KPNA3: variants seen among roughly 807,000 people sequenced by gnomAD.
The protein encoded by KPNA3 is importin subunit alpha-4.
In KPNA3, 13 loss-of-function variants were observed where a neutral mutation model predicts 73.8. The ratio of observed to expected loss-of-function variants is 0.18; its 90% CI spans 0.11 to 0.28. KPNA3 has a LOEUF of 0.28. Among genes scored for constraint, KPNA3 ranks in the 10% least tolerant of loss-of-function variants. KPNA3 has a pLI of 1.00. For synonymous variants in KPNA3, 186 were observed against 206.9 expected, an observed-to-expected ratio of 0.90 and a Z score of 0.87; for missense variants, 360 against 618.1, an observed-to-expected ratio of 0.58 and a Z score of 4.43.
At chr13:49,757,200 TA>T (rs901541532) in intron 1 of KPNA3, among the ~76,000 whole-genome samples, 2 of 150,840 alleles carry the variant, frequency 1.3e-5, no homozygotes, top group African/African-American at 4.9e-5. Context: ...CTCATCAAAA[TA>T]AAAAACTATT....
chr13:49,730,676 A>T (rs1954457843), intron 6 of KPNA3, among the ~76,000 whole-genome samples: 2 of 150,390 alleles, frequency 1.3e-5, no homozygotes, highest in South Asian at 4.2e-4. Flanking sequence ...TGTGCAGGTT[A>T]GTTACATATG....
chr13:49,762,317 G>A (rs1480859318), intron 1 of KPNA3, among the ~76,000 whole-genome samples: 35 of 152,108 alleles, frequency 2.3e-4, no homozygotes, highest in African/African-American at 7.9e-4. Context: ...CGCCCCTGCT[G>A]GGAAGTGAGG....
chr13:49,704,903 C>G (rs1259705618), intron 15 of KPNA3, among the ~76,000 whole-genome samples: 3 of 152,092 alleles, frequency 2.0e-5, no homozygotes, highest in Non-Finnish European at 4.4e-5. Context: ...AAGTGGGGTC[C>G]ACAGAATTAC....
At chr13:49,708,939 T>A (rs1256009071) in intron 12 of KPNA3, among the ~76,000 whole-genome samples, 1 of 152,190 alleles carries the variant, frequency 6.6e-6, no homozygotes, top group Non-Finnish European at 1.5e-5. Context: ...TATGATCGGT[T>A]TGTTTAAAAA....
chr13:49,722,518 T>C lies in KPNA3; in HGVS notation c.515A>G (p.Asn172Ser). 5 of 1,612,400 alleles carry C rather than the reference T, an allele frequency of 3.1e-6. No individual in the cohort carries two copies. The highest frequency in any genetic ancestry group is 4.2e-6 in the Non-Finnish European group (5 of 1,179,164). Residue 172 changes from asparagine to serine, a missense_variant, in exon 8 of 17, where the codon AAT becomes AGT. By Grantham distance (46) the Asn-to-Ser change is conservative. Around this residue, in one of 3 missense-constraint regions of KPNA3, gnomAD observed 287 missense variants for 549.1 expected, o/e 0.52. Coordinates refer to ENST00000261667, the MANE Select transcript of KPNA3 (RefSeq NM_002267.4). ...AGCCCATACTGCTTGTTCACAAACA[T>C]TCTGATGTGGTGAACGAAGAAGTCT... The part of the protein sequence containing the change: ...FLRLLRSPHQ[N>S]VCEQAVWALG...
intron 12 of KPNA3, among the ~76,000 whole-genome samples, chr13:49,708,886 C>T (rs1399899914): frequency 1.3e-5 from 2 of 152,200 alleles, no homozygotes; most frequent in East Asian, 1.9e-4. Context: ...TTAGGCACCT[C>T]GTCTTTGGGT....
At chr13:49,709,852 T>G (rs1954243396) in intron 11 of KPNA3, 152 bp from the exon 12 acceptor site, 1 of 534,780 alleles carries the variant, frequency 1.9e-6, no homozygotes, top group Non-Finnish European at 2.9e-6. Context: ...AGAGCTATTC[T>G]GAATTTTAAA....
At chr13:49,790,091 C>A (rs1031798360) in intron 1 of KPNA3, among the ~76,000 whole-genome samples, 1 of 152,142 alleles carries the variant, frequency 6.6e-6, no homozygotes, top group African/African-American at 2.4e-5. Flanking sequence ...TTGATAGATA[C>A]CCAATAGACA....
At chr13:49,746,690 G>A (rs549017923) in intron 2 of KPNA3, among the ~76,000 whole-genome samples, 43 of 152,322 alleles carry the variant, frequency 2.8e-4, no homozygotes, top group African/African-American at 1.0e-3. Context: ...GAAGCCCACA[G>A]AAAGAGGATG....
intron 1 of KPNA3, among the ~76,000 whole-genome samples, chr13:49,764,066 CAAAAAAAAAAA>C (rs11301654): frequency 1.3e-5 from 1 of 79,968 alleles, no homozygotes; most frequent in Non-Finnish European, 2.4e-5. Flanking sequence ...GACCCTGTCT[CAAAAAAAAAAA>C]AAAAAAAAAA....
intron 1 of KPNA3, among the ~76,000 whole-genome samples, chr13:49,754,872 G>T (rs954306123): frequency 2.0e-5 from 3 of 151,998 alleles, no homozygotes; most frequent in African/African-American, 4.8e-5. Context: ...CTATTAAGAT[G>T]ATTATATTTG....
At chr13:49,748,341 A>G (rs1954635848) in intron 1 of KPNA3, among the ~76,000 whole-genome samples, 1 of 152,190 alleles carries the variant, frequency 6.6e-6, no homozygotes, top group South Asian at 2.1e-4. Flanking sequence ...AAGAGGATCT[A>G]TCAGGCATGC....
At chr13:49,757,657 T>C (rs1011058980) in intron 1 of KPNA3, among the ~76,000 whole-genome samples, 8 of 151,896 alleles carry the variant, frequency 5.3e-5, no homozygotes, top group African/African-American at 7.3e-5. Context: ...CAACTACACA[T>C]TGGACATTTA....
chr13:49,787,988 T>C (rs962091780), intron 1 of KPNA3, among the ~76,000 whole-genome samples: 1 of 152,204 alleles, frequency 6.6e-6, no homozygotes, highest in Non-Finnish European at 1.5e-5. Flanking sequence ...CCGCTTAGCA[T>C]AAAGCTTTGA....
At chr13:49,740,526 C>A (rs1954564012) in intron 2 of KPNA3, among the ~76,000 whole-genome samples, 2 of 152,126 alleles carry the variant, frequency 1.3e-5, no homozygotes, top group South Asian at 4.1e-4. Context: ...GTCACAAGAT[C>A]TGATGGCTTT....
At chr13:49,777,702 G>A (rs981966545) in intron 1 of KPNA3, among the ~76,000 whole-genome samples, 18 of 150,990 alleles carry the variant, frequency 1.2e-4, no homozygotes, top group African/African-American at 4.4e-4. Flanking sequence ...GTAGAGGTAG[G>A]GTCTCACTTT....
At chr13:49,722,396 A>C (rs1954367939) in intron 8 of KPNA3, 81 bp downstream of exon 8, 1 of 906,438 alleles carries the variant, frequency 1.1e-6, no homozygotes, top group Non-Finnish European at 1.7e-6. Flanking sequence ...AATTCAGAGG[A>C]AACATAGTAT....
At chr13:49,786,311 C>T (rs1954982115) in intron 1 of KPNA3, among the ~76,000 whole-genome samples, 1 of 152,134 alleles carries the variant, frequency 6.6e-6, no homozygotes. Flanking sequence ...CTGAGCTTCT[C>T]AACAGAGCCC....
intron 6 of KPNA3, among the ~76,000 whole-genome samples, chr13:49,726,487 G>A (rs990122393): frequency 2.6e-5 from 4 of 152,148 alleles, no homozygotes; most frequent in Middle Eastern, 3.2e-3. Flanking sequence ...TAAGAAGCAA[G>A]TAACAGGGTG....
Sources: gnomAD v4.1 joint callset for allele counts (sites outside exome capture counted in the v4.1 genomes callset) on GRCh38, gnomAD v4.1.1 for gene constraint, gnomAD v4.1.1 regional missense constraint, MANE v1.5 for transcripts, NCBI Gene and HGNC (gene_info 2026-07-23, HGNC 2026-07-21) for gene names.